The following PPP2R2B variants were observed in gnomAD, a reference collection of about 807,000 sequenced individuals.
PPP2R2B encodes the protein protein phosphatase 2 regulatory subunit Bbeta.
Under a neutral mutation model 46.0 loss-of-function variants are expected in PPP2R2B, and 5 were observed. The ratio of observed to expected loss-of-function variants is 0.11; its 90% CI spans 0.06 to 0.23. The LOEUF (loss-of-function observed/expected upper bound fraction) is 0.23. Among genes scored for constraint, PPP2R2B ranks in the 10% least tolerant of loss-of-function variants. PPP2R2B has a pLI of 1.00. For missense variants in PPP2R2B, 367 were observed against 575.0 expected (o/e 0.64, Z 3.70); for synonymous variants, 215 against 206.7 (o/e 1.04, Z -0.34).
intron 1 of PPP2R2B, among the ~76,000 whole-genome samples, chr5:147,005,156 T>C (rs1314376198): frequency 6.6e-6 from 1 of 152,188 alleles, no homozygotes; most frequent in Non-Finnish European, 1.5e-5. Flanking sequence ...CAAGCATGAC[T>C]GCCAACAAAT....
chr5:146,855,882 T>C (rs1297716810), intron 2 of PPP2R2B, among the ~76,000 whole-genome samples: 1 of 152,178 alleles, frequency 6.6e-6, no homozygotes, highest in Non-Finnish European at 1.5e-5. Flanking sequence ...TTCATCCAAA[T>C]CAAGTGTAAC....
intron 3 of PPP2R2B, 28 bp downstream of exon 3, chr5:146,701,017 T>C: frequency 1.3e-6 from 2 of 1,555,640 alleles, no homozygotes; most frequent in South Asian, 2.2e-5. Context: ...GTGAAGAAAA[T>C]GGGCATTTTG....
intron 6 of PPP2R2B, among the ~76,000 whole-genome samples, chr5:146,648,366 G>A (rs1775721694): frequency 6.6e-6 from 1 of 152,164 alleles, no homozygotes; most frequent in African/African-American, 2.4e-5. Flanking sequence ...TCTTTTATTT[G>A]TTTGAGCCAT....
At chr5:146,704,393 C>G (rs921525489) in intron 2 of PPP2R2B, among the ~76,000 whole-genome samples, 2 of 152,206 alleles carry the variant, frequency 1.3e-5, no homozygotes, top group African/African-American at 4.8e-5. Context: ...ATCAATTCAT[C>G]AAGTTCAACA....
chr5:146,747,021 T>C (rs926367973), intron 2 of PPP2R2B, among the ~76,000 whole-genome samples: 1 of 152,222 alleles, frequency 6.6e-6, no homozygotes, highest in Non-Finnish European at 1.5e-5. Flanking sequence ...GGCTAAGGAC[T>C]AGGCTCAATT....
At chr5:147,029,267 G>A (rs1755669896) in intron 1 of PPP2R2B, among the ~76,000 whole-genome samples, 1 of 152,086 alleles carries the variant, frequency 6.6e-6, no homozygotes, top group Admixed American at 6.5e-5. Context: ...AGTCTAGAAA[G>A]TTTAGTGTTT....
intron 2 of PPP2R2B, among the ~76,000 whole-genome samples, chr5:146,706,074 G>A (rs1305382617): frequency 6.6e-6 from 1 of 152,100 alleles, no homozygotes; most frequent in Non-Finnish European, 1.5e-5. Flanking sequence ...GAACTCCCCC[G>A]CGGGTGGGCT....
chr5:146,675,410 A>T (rs1777645251), intron 5 of PPP2R2B, among the ~76,000 whole-genome samples: 1 of 152,096 alleles, frequency 6.6e-6, no homozygotes. Context: ...CGCTATAAAT[A>T]CCCTGGTATC....
chr5:146,831,739 G>A (rs777325153), intron 2 of PPP2R2B, among the ~76,000 whole-genome samples: 24 of 152,198 alleles, frequency 1.6e-4, no homozygotes, highest in Non-Finnish European at 2.9e-4. Flanking sequence ...GCAGTGAGCC[G>A]AGATTGTGCC....
At chr5:146,952,455 G>A (rs1195848608) in intron 1 of PPP2R2B, among the ~76,000 whole-genome samples, 5 of 151,994 alleles carry the variant, frequency 3.3e-5, no homozygotes, top group African/African-American at 4.8e-5. Context: ...CAAGACTTTG[G>A]GTATTGAGCT....
chr5:147,077,552 C>T (rs1580892543), intron 2 of PPP2R2B, among the ~76,000 whole-genome samples: 1 of 152,230 alleles, frequency 6.6e-6, no homozygotes, highest in East Asian at 1.9e-4. Context: ...AATTAAACCC[C>T]TTCACTTTCC....
At chr5:146,764,268 C>T (rs1754337858) in intron 2 of PPP2R2B, among the ~76,000 whole-genome samples, 1 of 151,966 alleles carries the variant, frequency 6.6e-6, no homozygotes, top group African/African-American at 2.4e-5. Flanking sequence ...TGTGGGCCCA[C>T]TTTTGAAGGA....
intron 2 of PPP2R2B, among the ~76,000 whole-genome samples, chr5:146,815,327 A>G (rs1561929908): frequency 6.6e-6 from 1 of 152,224 alleles, no homozygotes; most frequent in East Asian, 1.9e-4. Flanking sequence ...CTTCCAATGT[A>G]TATTCATTCA....
rs1472148481 is a variant in PPP2R2B at position 146,899,245 on chromosome 5, C to T, written c.79+156420G>A. On this transcript the variant is annotated intron_variant, in intron 1 of 8. Transcript: ENST00000336640. ...AACCCAAGTGTCCAAGAATGATAGA[C>T]TGGATTAAGAAAATGTGGCACATAT... Among the ~76,000 whole-genome samples, 4 of 146,640 alleles carry T rather than the reference C, an allele frequency of 2.7e-5. No homozygotes were observed. The South Asian group carries it at 9.1e-4, about 33-fold the overall frequency.
chr5:146,769,117 A>ATCTG (rs1754680572), intron 2 of PPP2R2B, among the ~76,000 whole-genome samples: 1 of 152,116 alleles, frequency 6.6e-6, no homozygotes, highest in African/African-American at 2.4e-5. Flanking sequence ...GCCTCAAGCA[A>ATCTG]TCTGCCTGCC....
intron 1 of PPP2R2B, chr5:147,035,136 G>A (rs1173831713): frequency 2.4e-5 from 11 of 455,308 alleles, no homozygotes; most frequent in Admixed American, 2.1e-4. Context: ...CCTGAGACTG[G>A]GTAAATTATA....
chr5:146,832,138 A>G (rs1321482812), intron 2 of PPP2R2B, among the ~76,000 whole-genome samples: 2 of 152,214 alleles, frequency 1.3e-5, no homozygotes, highest in Non-Finnish European at 2.9e-5. Flanking sequence ...CAAAAAGTTA[A>G]AAAAATTAAA....
At chr5:146,657,433 T>C (rs527778875) in intron 5 of PPP2R2B, among the ~76,000 whole-genome samples, 2 of 152,322 alleles carry the variant, frequency 1.3e-5, no homozygotes, top group Non-Finnish European at 2.9e-5. Flanking sequence ...GGATTTTAGC[T>C]GTTTAGTAAC....
At chr5:146,867,297 G>A (rs1215373207) in intron 2 of PPP2R2B, among the ~76,000 whole-genome samples, 1 of 152,036 alleles carries the variant, frequency 6.6e-6, no homozygotes, top group Admixed American at 6.6e-5. Flanking sequence ...GTCATTTGGG[G>A]GACAGTTCAT....
Sources: gnomAD v4.1 joint callset for allele counts (sites outside exome capture counted in the v4.1 genomes callset) on GRCh38, gnomAD v4.1.1 for gene constraint, MANE v1.5 for transcripts, NCBI Gene and HGNC (gene_info 2026-07-23, HGNC 2026-07-21) for gene names.